Variants in MTMR9 observed in about 807,000 individuals in gnomAD.
MTMR9 encodes myotubularin-related protein 9.
In MTMR9, 39 loss-of-function variants were observed where a neutral mutation model predicts 69.5. That is an observed-to-expected ratio of 0.56 (90% CI 0.43 to 0.73). MTMR9 has a LOEUF of 0.73. MTMR9 is among the 30% of genes least tolerant of loss of function. The pLI is 0.00. For synonymous variants in MTMR9, 354 were observed against 240.8 expected (o/e 1.47, Z -4.35); for missense variants, 900 against 671.2 (o/e 1.34, Z -3.77).
chr8:11,302,793 A>T (rs989578680), intron 3 of MTMR9, among the ~76,000 whole-genome samples: 1 of 152,170 alleles, frequency 6.6e-6, no homozygotes, highest in East Asian at 1.9e-4. Flanking sequence ...GCTTGTCTAC[A>T]TAGGAAAAGG....
rs762377133 is a variant in MTMR9, at chr8:11,285,088, C to G, written c.182+18C>G. 4 of 1,545,868 alleles carry G rather than the reference C, an allele frequency of 2.6e-6. No homozygotes were observed. On this transcript the variant is annotated intron_variant, in intron 1 of 9. Coordinates refer to ENST00000221086, the MANE Select transcript of MTMR9 (RefSeq NM_015458.4). Reference sequence around the variant, plus strand: ...GACAAGCGGTGAGTGCCCGCCCCACCCCAGCTCCGCAGGGAGCCGGGGGTC... The same window carrying G: ...GACAAGCGGTGAGTGCCCGCCCCACGCCAGCTCCGCAGGGAGCCGGGGGTC...
chr8:11,312,328 G>A (rs568791298), intron 6 of MTMR9, among the ~76,000 whole-genome samples: 1 of 152,020 alleles, frequency 6.6e-6, no homozygotes, highest in African/African-American at 2.4e-5. Context: ...GAGATTACAG[G>A]TCTGACCCAC....
chr8:11,301,918 A>G (rs1238447135), intron 3 of MTMR9, among the ~76,000 whole-genome samples: 1 of 152,202 alleles, frequency 6.6e-6, no homozygotes, highest in Non-Finnish European at 1.5e-5. Context: ...TGCATGCTTA[A>G]TAAAGGAAGA....
In MTMR9 at chr8:11,312,077, C is replaced by G. The variant is rs141832520; in HGVS notation, c.971+2389C>G. Among the ~76,000 whole-genome samples the G allele has an allele frequency of 8.5e-4, 130 of 152,270 alleles. 1 individual carries two copies. Among genetic ancestry groups the G allele is most frequent in the African/African-American group, 3.0e-3 (123 of 41,560 alleles). The stretch of plus-strand genomic sequence containing the variant: ...TATTTATTTAGGAGACAGGGCCTTG[C>G]TCTGTCACCCAGGCTGGAGTGTAGT... On this transcript the variant is annotated intron_variant, in intron 6 of 9. Coordinates refer to ENST00000221086, the MANE Select transcript of MTMR9 (RefSeq NM_015458.4).
chr8:11,303,441 T>C (rs183623767), intron 3 of MTMR9, among the ~76,000 whole-genome samples: 239 of 152,168 alleles, frequency 1.6e-3, no homozygotes, highest in Non-Finnish European at 2.7e-3. Context: ...TGATTGCCTT[T>C]GGGGAAAGCA....
chr8:11,331,915 T>C (rs200075934), downstream of MTMR9: 57 of 1,611,900 alleles, frequency 3.5e-5, no homozygotes, highest in Non-Finnish European at 4.5e-5. Flanking sequence ...TTCACATGTG[T>C]GGGCTATGCG....
chr8:11,289,944 C>T (rs1799320999), intron 1 of MTMR9, among the ~76,000 whole-genome samples: 1 of 152,150 alleles, frequency 6.6e-6, no homozygotes, highest in Non-Finnish European at 1.5e-5. Flanking sequence ...CATTCATGTC[C>T]CTTTATATAG....
intron 9 of MTMR9, chr8:11,320,893 A>C (rs1800651866): frequency 6.5e-6 from 1 of 152,972 alleles, no homozygotes; most frequent in Admixed American, 6.5e-5. Flanking sequence ...GTATACATAC[A>C]AGAATGGTAG....
downstream of MTMR9, among the ~76,000 whole-genome samples, chr8:11,330,339 TGGG>T (rs1259850830): frequency 6.7e-6 from 1 of 150,244 alleles, no homozygotes; most frequent in Non-Finnish European, 1.5e-5. Flanking sequence ...GGGAGGGAGG[TGGG>T]GGGCGCCTCT....
intron 3 of MTMR9, among the ~76,000 whole-genome samples, chr8:11,302,706 A>G (rs888783126): frequency 1.3e-5 from 2 of 152,224 alleles, no homozygotes; most frequent in African/African-American, 4.8e-5. Flanking sequence ...AGTCAGCTCA[A>G]TAAGACAAGA....
chr8:11,308,145 G>A (rs568852986), intron 5 of MTMR9, among the ~76,000 whole-genome samples: 1 of 152,090 alleles, frequency 6.6e-6, no homozygotes, highest in African/African-American at 2.4e-5. Context: ...TTTTCCTTAT[G>A]TTTTCCTCTA....
chr8:11,304,077 T>C (rs572324162), intron 3 of MTMR9, among the ~76,000 whole-genome samples: 1 of 152,220 alleles, frequency 6.6e-6, no homozygotes, highest in South Asian at 2.1e-4. Flanking sequence ...CTGTAAAACC[T>C]TTTGACAGTG....
chr8:11,313,908 G>A (rs369975207), intron 6 of MTMR9, among the ~76,000 whole-genome samples: 2 of 152,206 alleles, frequency 1.3e-5, no homozygotes, highest in Non-Finnish European at 2.9e-5. Flanking sequence ...GAAAATGGGT[G>A]CCAGCATACT....
At chr8:11,319,591 C>G in intron 8 of MTMR9, 96 bp from the exon 9 acceptor site, 2 of 1,296,784 alleles carry the variant, frequency 1.5e-6, no homozygotes, top group South Asian at 1.3e-5. Flanking sequence ...ATTCTATCTT[C>G]TTTCATACTG....
chr8:11,287,947 A>G (rs1211228399), intron 1 of MTMR9, among the ~76,000 whole-genome samples: 1 of 124,406 alleles, frequency 8.0e-6, no homozygotes, highest in Non-Finnish European at 1.6e-5. Flanking sequence ...GTTATATATC[A>G]TACGTATTAT....
Position 11,312,995 on chromosome 8 carries a change from A to C in MTMR9, c.972-1928A>C, listed in dbSNP as rs527372735. On this transcript the variant is annotated intron_variant, in intron 6 of 9. Transcript: ENST00000221086. ...GTGGACTTAAACTATTCAGTAAACT[A>C]TGCTGTAAACAGACATGCTGTCATG... Among the ~76,000 whole-genome samples, 3 of 152,364 alleles carry C rather than the reference A, an allele frequency of 2.0e-5. No individual in the cohort carries two copies. The South Asian group carries it at 6.2e-4, about 32-fold the overall frequency.
intron 6 of MTMR9, among the ~76,000 whole-genome samples, chr8:11,312,441 G>A (rs543623301): frequency 6.6e-6 from 1 of 152,070 alleles, no homozygotes; most frequent in Non-Finnish European, 1.5e-5. Context: ...CAAACTCCTG[G>A]CTTCAAGCAA....
At chr8:11,286,581 G>A (rs144183525) in intron 1 of MTMR9, among the ~76,000 whole-genome samples, 18 of 147,614 alleles carry the variant, frequency 1.2e-4, no homozygotes, top group Non-Finnish European at 2.7e-4. Flanking sequence ...CGGAAAAATC[G>A]CTTGAACCTT....
At chr8:11,328,515 C>T (rs1458304669), downstream of MTMR9, among the ~76,000 whole-genome samples, 1 of 152,076 alleles carries the variant, frequency 6.6e-6, no homozygotes, top group African/African-American at 2.4e-5. Flanking sequence ...AATATAAACA[C>T]ATGACTCATT....
Sources: gnomAD v4.1 joint callset for allele counts (sites outside exome capture counted in the v4.1 genomes callset) on GRCh38, gnomAD v4.1.1 for gene constraint, MANE v1.5 for transcripts, NCBI Gene and HGNC (gene_info 2026-07-23, HGNC 2026-07-21) for gene names.